STPG2: variants seen among roughly 807,000 people sequenced by gnomAD.
STPG2 encodes sperm tail PG-rich repeat containing 2.
A neutral mutation model predicts 54.2 loss-of-function variants in STPG2; 56 were observed. That is an observed-to-expected ratio of 1.03 (90% CI 0.83 to 1.29). The LOEUF is 1.29. STPG2 is among the 50% of genes most tolerant of loss of function. The pLI is 0.00. For missense variants in STPG2, 596 were observed against 544.9 expected, an observed-to-expected ratio of 1.09 and a Z score of -0.93; for synonymous variants, 200 against 181.8, an observed-to-expected ratio of 1.10 and a Z score of -0.81.
At chr4:97,839,645 C>T (rs1175946180) in intron 9 of STPG2, among the ~76,000 whole-genome samples, 1 of 151,190 alleles carries the variant, frequency 6.6e-6, no homozygotes, top group East Asian at 1.9e-4. Flanking sequence ...TAAAACCTCA[C>T]AAAATCAACA....
intron 5 of STPG2, among the ~76,000 whole-genome samples, chr4:98,072,570 TAATAAAA>T (rs199822897): frequency 0.034 from 4,957 of 144,990 alleles, 105 homozygotes; most frequent in Middle Eastern, 0.041. Context: ...GAAGGGAAAA[TAATAAAA>T]TAAAATAAAA....
chr4:97,938,298 A>T (rs1175457320), intron 8 of STPG2, among the ~76,000 whole-genome samples: 1 of 152,194 alleles, frequency 6.6e-6, no homozygotes, highest in Non-Finnish European at 1.5e-5. Flanking sequence ...AGCACCCCCA[A>T]GAGTCCGGTG....
At chr4:97,736,271 G>A (rs950882683) in intron 9 of STPG2, among the ~76,000 whole-genome samples, 1 of 152,236 alleles carries the variant, frequency 6.6e-6, no homozygotes, top group African/African-American at 2.4e-5. Flanking sequence ...ACAGCTACCA[G>A]TGTGAGCGAC....
At chr4:98,116,087 GTCT>G (rs933293530) in intron 3 of STPG2, among the ~76,000 whole-genome samples, 19 of 151,852 alleles carry the variant, frequency 1.3e-4, no homozygotes, top group Non-Finnish European at 2.7e-4. Flanking sequence ...TCAAATAAAT[GTCT>G]TCTTCTTCTT....
intron 9 of STPG2, among the ~76,000 whole-genome samples, chr4:97,804,346 G>A (rs1236126531): frequency 6.6e-6 from 1 of 152,008 alleles, no homozygotes. Context: ...AATTCCTGTT[G>A]CCTAGTGACA....
chr4:97,479,922 AT>A (rs1730175954), intron 4 of STPG2, among the ~76,000 whole-genome samples: 1 of 151,864 alleles, frequency 6.6e-6, no homozygotes, highest in Non-Finnish European at 1.5e-5. Flanking sequence ...TTGTTTCCAT[AT>A]TTGCTGAAAC....
At chr4:98,087,600 G>T (rs1293378172) in intron 5 of STPG2, among the ~76,000 whole-genome samples, 1 of 136,190 alleles carries the variant, frequency 7.3e-6, no homozygotes, top group African/African-American at 2.9e-5. Flanking sequence ...TGGCTCTGTC[G>T]CTCAGGTTGG....
intron 10 of STPG2, among the ~76,000 whole-genome samples, chr4:97,710,081 A>G (rs1301382640): frequency 6.6e-6 from 1 of 150,966 alleles, no homozygotes; most frequent in East Asian, 1.9e-4. Context: ...TTATAAGTGA[A>G]CTTTTATAGA....
intron 8 of STPG2, among the ~76,000 whole-genome samples, chr4:97,939,305 T>C (rs1300694485): frequency 4.3e-5 from 5 of 115,630 alleles, no homozygotes; most frequent in Admixed American, 2.9e-4. Flanking sequence ...GGGTGGAGAG[T>C]TCTGAAAAGG....
At chr4:97,589,449 TA>T (rs1733083090) in intron 10 of STPG2, among the ~76,000 whole-genome samples, 1 of 152,122 alleles carries the variant, frequency 6.6e-6, no homozygotes, top group South Asian at 2.1e-4. Flanking sequence ...ATTTTTAACC[TA>T]ACAATTGTTA....
chr4:98,052,087 CAAA>C (rs5860519), intron 5 of STPG2, among the ~76,000 whole-genome samples: 55,659 of 117,480 alleles, frequency 0.47, 10,776 homozygotes, highest in Middle Eastern at 0.54. Context: ...AACTCTGTCT[CAAA>C]AAAAAAAAAA....
At chr4:97,758,089 T>A (rs545819979) in intron 9 of STPG2, among the ~76,000 whole-genome samples, 10 of 152,334 alleles carry the variant, frequency 6.6e-5, no homozygotes, top group African/African-American at 2.2e-4. Context: ...TACAGTCTTT[T>A]AATTGGAATA....
intron 4 of STPG2, among the ~76,000 whole-genome samples, chr4:97,485,155 G>T (rs1450820793): frequency 6.6e-6 from 1 of 151,816 alleles, no homozygotes; most frequent in Non-Finnish European, 1.5e-5. Flanking sequence ...ACAAGAGAAG[G>T]ATGTCCACTC....
intron 4 of STPG2, among the ~76,000 whole-genome samples, chr4:97,515,064 A>G (rs527705505): frequency 1.3e-5 from 2 of 152,244 alleles, no homozygotes; most frequent in African/African-American, 4.8e-5. Flanking sequence ...CCCTAAGATG[A>G]ACGTGAGACG....
intron 3 of STPG2, among the ~76,000 whole-genome samples, chr4:98,114,630 T>C (rs951086038): frequency 7.2e-5 from 11 of 152,030 alleles, no homozygotes; most frequent in African/African-American, 2.7e-4. Flanking sequence ...TTTAAGTGAA[T>C]TTACATTATT....
At chr4:97,594,614 A>G (rs1020653333) in intron 10 of STPG2, among the ~76,000 whole-genome samples, 3 of 152,188 alleles carry the variant, frequency 2.0e-5, no homozygotes, top group Non-Finnish European at 4.4e-5. Context: ...ACCTCACCGG[A>G]AAAGCCAACA....
intron 10 of STPG2, among the ~76,000 whole-genome samples, chr4:97,590,670 CACAG>C (rs1318974207): frequency 0.015 from 2,232 of 150,288 alleles, 56 homozygotes; most frequent in African/African-American, 0.052. Context: ...CACACACACA[CACAG>C]AGAGAAACAT....
chr4:97,832,999 G>A (rs892208968), intron 9 of STPG2, among the ~76,000 whole-genome samples: 2 of 152,014 alleles, frequency 1.3e-5, no homozygotes, highest in Admixed American at 6.6e-5. Flanking sequence ...TCTCAGTATT[G>A]GAAAAAACTA....
At chr4:98,025,933 T>C in intron 5 of STPG2, 1 of 1,470,512 alleles carries the variant, frequency 6.8e-7, no homozygotes, top group East Asian at 2.3e-5. Context: ...TCCCTGGTTA[T>C]GATTCTGAAA....
Sources: allele counts gnomAD v4.1 joint callset (sites outside exome capture counted in the v4.1 genomes callset), GRCh38; gene constraint gnomAD v4.1.1; transcripts MANE v1.5; gene names NCBI Gene and HGNC (gene_info 2026-07-23, HGNC 2026-07-21).